Variants in FRK observed in about 807,000 individuals in gnomAD.
The protein encoded by FRK is fyn related Src family tyrosine kinase, also known as tyrosine-protein kinase FRK.
Under a neutral mutation model 56.4 loss-of-function variants are expected in FRK, and 51 were observed. The observed-to-expected ratio is 0.90, with a 90% confidence interval of 0.72 to 1.14. FRK has a LOEUF of 1.14. FRK is among the 50% of genes most tolerant of loss of function. The pLI is 0.00. For synonymous variants in FRK, 245 were observed against 217.9 expected (o/e 1.12, Z -1.10); for missense variants, 570 against 601.4 (o/e 0.95, Z 0.55).
the FRK span, among the ~76,000 whole-genome samples, chr6:116,072,620 T>C: frequency 2.0e-5 from 3 of 151,910 alleles, no homozygotes; most frequent in Non-Finnish European, 4.4e-5. Context: ...CCTACCATGA[T>C]GACAATGTTC....
chr6:115,952,804 C>T (rs1772819330), intron 5 of FRK, among the ~76,000 whole-genome samples: 1 of 151,628 alleles, frequency 6.6e-6, no homozygotes, highest in Admixed American at 6.6e-5. Context: ...TCATCATTCT[C>T]AGTAAACCAT....
chr6:115,968,515 C>G, intron 3 of FRK, 61 bp downstream of exon 3: 4 of 1,558,604 alleles, frequency 2.6e-6, no homozygotes, highest in Non-Finnish European at 3.5e-6. Context: ...GAAAAATACT[C>G]AGATATCTGA....
At position 115,958,643 on chromosome 6, in the gene FRK, GAA is replaced by G. The variant is rs5879358; in HGVS notation, c.800-2035_800-2034del. 2.2e-3 allele frequency among the ~76,000 whole-genome samples: 82 copies of G among 38,090 alleles called. 1 individual carries two copies. The highest frequency in any genetic ancestry group is 7.3e-3 in the African/African-American group (78 of 10,756). The allele number at this position is 38,090 out of a possible 152,430, so 25.0% of individuals were successfully genotyped here. ...ACTCTGTCTCAAAAAAGGAAAGAAA[GAA>G]AAGAAAGAAAGAAAGAAAGAAAGAA... On this transcript the variant is annotated intron_variant, in intron 4 of 7. Transcript: ENST00000606080.
the FRK span, among the ~76,000 whole-genome samples, chr6:116,074,263 C>T: frequency 6.6e-6 from 1 of 152,122 alleles, no homozygotes; most frequent in East Asian, 1.9e-4. Context: ...TGTGTACATG[C>T]TTTTAATGTT....
Position 116,018,786 on chromosome 6 carries a change from G to A in FRK, c.345-14788C>T, listed in dbSNP as rs916796733. On this transcript the variant is annotated intron_variant, in intron 1 of 7. Transcript: ENST00000606080. The stretch of plus-strand genomic sequence containing the variant: ...CATTTCCACCATGCTCTTTGCCTGG[G>A]ATAATTTTTTTTTAATCATTGAAAT... Among the ~76,000 whole-genome samples the A allele has an allele frequency of 4.3e-4, 65 of 152,086 alleles. 1 individual carries two copies. The highest frequency in any genetic ancestry group is 1.5e-3 in the African/African-American group (64 of 41,496).
chr6:116,040,185 T>C (rs998506859), intron 1 of FRK, among the ~76,000 whole-genome samples: 3 of 152,104 alleles, frequency 2.0e-5, no homozygotes, highest in African/African-American at 7.2e-5. Context: ...TAAGGGATAA[T>C]TTAGTGAAAA....
chr6:116,084,785 G>A, the FRK span, among the ~76,000 whole-genome samples: 1 of 152,198 alleles, frequency 6.6e-6, no homozygotes, highest in Non-Finnish European at 1.5e-5. Flanking sequence ...AATTTTGATT[G>A]TGGTTTTTTC....
At chr6:116,061,321 G>A (rs1777615040), upstream of FRK, among the ~76,000 whole-genome samples, 1 of 151,830 alleles carries the variant, frequency 6.6e-6, no homozygotes, top group African/African-American at 2.4e-5. Context: ...GAAAGCAGCT[G>A]ACTAAAATGC....
chr6:116,064,628 C>G (rs1041779869), upstream of FRK, among the ~76,000 whole-genome samples: 8 of 152,066 alleles, frequency 5.3e-5, no homozygotes, highest in Non-Finnish European at 8.8e-5. Flanking sequence ...CCTTCCTTTC[C>G]TCTCTTATTG....
At chr6:115,943,477 T>C (rs1772284200) in intron 6 of FRK, among the ~76,000 whole-genome samples, 1 of 145,398 alleles carries the variant, frequency 6.9e-6, no homozygotes, top group South Asian at 2.2e-4. Flanking sequence ...TGGCTTCACA[T>C]CTGGTCTTGA....
At position 115,944,135 on chromosome 6, in the gene FRK, C is replaced by T. The variant is rs1772321294; in HGVS notation, c.1140+109G>A. On this transcript the variant is annotated intron_variant, in intron 6 of 7. Transcript: ENST00000606080. ...GACTACTGAAGTAGTTTATGGACTA[C>T]AGAACTTGGAGAAACATTGTTTTAA... is the stretch of plus-strand genomic sequence containing the variant. 5 of 885,744 alleles carry T rather than the reference C, an allele frequency of 5.6e-6. No homozygotes were observed. The East Asian group carries it at 1.1e-4, about 19-fold the overall frequency. The allele number at this position is 885,744 out of a possible 1,614,324, so 54.9% of individuals were successfully genotyped here.
At chr6:116,005,725 G>T (rs139525021) in intron 1 of FRK, among the ~76,000 whole-genome samples, 4 of 152,082 alleles carry the variant, frequency 2.6e-5, no homozygotes, top group Admixed American at 2.6e-4. Flanking sequence ...GCATGTTTTT[G>T]ATTATTGCAG....
intron 1 of FRK, among the ~76,000 whole-genome samples, chr6:116,045,065 G>A (rs1246752102): frequency 6.6e-6 from 1 of 152,080 alleles, no homozygotes; most frequent in Non-Finnish European, 1.5e-5. Context: ...ACAAACCACT[G>A]CTCAAGGAAA....
intron 1 of FRK, among the ~76,000 whole-genome samples, chr6:116,006,900 G>C (rs1181642304): frequency 6.6e-6 from 1 of 152,086 alleles, no homozygotes; most frequent in South Asian, 2.1e-4. Context: ...AGAATGAAAA[G>C]AATGATATAT....
chr6:116,045,340 A>C (rs1416288136), intron 1 of FRK, among the ~76,000 whole-genome samples: 1 of 152,244 alleles, frequency 6.6e-6, no homozygotes, highest in African/African-American at 2.4e-5. Context: ...ACTATACTAC[A>C]AGGCAACAGT....
chr6:116,056,223 G>A (rs1001662698), intron 1 of FRK, among the ~76,000 whole-genome samples: 2 of 147,866 alleles, frequency 1.4e-5, no homozygotes, highest in Non-Finnish European at 3.0e-5. Context: ...TTTTTGGTTG[G>A]TGGGGATTCG....
intron 1 of FRK, among the ~76,000 whole-genome samples, chr6:116,029,848 A>T (rs1041501145): frequency 4.6e-5 from 7 of 152,158 alleles, no homozygotes; most frequent in Non-Finnish European, 1.0e-4. Context: ...TCTAAAAATC[A>T]AAATACTCTG....
At chr6:116,021,604 C>T (rs1775875055) in intron 1 of FRK, among the ~76,000 whole-genome samples, 2 of 152,016 alleles carry the variant, frequency 1.3e-5, no homozygotes, top group African/African-American at 4.8e-5. Flanking sequence ...TCTTCATGCC[C>T]ATTGTATGTA....
intron 5 of FRK, among the ~76,000 whole-genome samples, chr6:115,953,905 A>C (rs1333309854): frequency 6.6e-6 from 1 of 152,232 alleles, no homozygotes; most frequent in Non-Finnish European, 1.5e-5. Flanking sequence ...GCCTGTGTGG[A>C]GTTATATTCA....
Sources: allele counts gnomAD v4.1 joint callset (sites outside exome capture counted in the v4.1 genomes callset), GRCh38; gene constraint gnomAD v4.1.1; transcripts MANE v1.5; gene names NCBI Gene and HGNC (gene_info 2026-07-23, HGNC 2026-07-21).